RAB38: variants seen among roughly 807,000 people sequenced by gnomAD.
RAB38 encodes the protein RAB38, member RAS oncogene family.
RAB38 carries 15 observed loss-of-function variants against 18.4 expected under a neutral mutation model. The observed-to-expected ratio is 0.82, with a 90% CI of 0.55 to 1.26. RAB38 has a LOEUF of 1.26. RAB38 is among the 50% of genes most tolerant of loss of function. RAB38 has a pLI of 0.00. For missense variants in RAB38, 294 were observed against 267.4 expected, an observed-to-expected ratio of 1.10 and a Z score of -0.69; for synonymous variants, 101 against 104.4, an observed-to-expected ratio of 0.97 and a Z score of 0.20.
the RAB38 span, among the ~76,000 whole-genome samples, chr11:87,931,902 T>A: frequency 6.9e-6 from 1 of 145,838 alleles, no homozygotes. Context: ...GGCCAGGGAG[T>A]AAAGGAGAAA....
At chr11:88,128,978 T>C (rs964554215) in intron 2 of RAB38, among the ~76,000 whole-genome samples, 1 of 152,198 alleles carries the variant, frequency 6.6e-6, no homozygotes, top group Non-Finnish European at 1.5e-5. Flanking sequence ...TGATTTTGAA[T>C]CTGGAAACCC....
the RAB38 span, among the ~76,000 whole-genome samples, chr11:88,027,280 T>A: frequency 6.6e-6 from 1 of 152,070 alleles, no homozygotes. Flanking sequence ...AGTCTACAGC[T>A]CCCAGTGTGA....
At chr11:87,914,655 C>T in the RAB38 span, among the ~76,000 whole-genome samples, 7 of 152,216 alleles carry the variant, frequency 4.6e-5, no homozygotes, top group East Asian at 3.9e-4. Context: ...CTGCTTGTTA[C>T]GTAATAGTGA....
the RAB38 span, among the ~76,000 whole-genome samples, chr11:87,841,898 A>G: frequency 6.6e-6 from 1 of 152,190 alleles, no homozygotes; most frequent in African/African-American, 2.4e-5. Context: ...GAGAATATGA[A>G]CATTTTGGAG....
intron 1 of RAB38, 60 bp from the exon 2 acceptor site, chr11:88,150,015 T>C: frequency 2.0e-6 from 3 of 1,523,748 alleles, no homozygotes; most frequent in Non-Finnish European, 2.7e-6. Context: ...AATCATATTA[T>C]AACTTCATGA....
At chr11:88,074,480 T>C in the RAB38 span, among the ~76,000 whole-genome samples, 1 of 152,164 alleles carries the variant, frequency 6.6e-6, no homozygotes, top group African/African-American at 2.4e-5. Flanking sequence ...GTCATCTCTT[T>C]AAATAACTTG....
At chr11:87,952,826 G>T in the RAB38 span, among the ~76,000 whole-genome samples, 1 of 152,046 alleles carries the variant, frequency 6.6e-6, no homozygotes, top group African/African-American at 2.4e-5. Flanking sequence ...CATGCTTATT[G>T]ATAAGTATTT....
chr11:88,169,253 T>C (rs1421182496), intron 1 of RAB38, among the ~76,000 whole-genome samples: 1 of 152,176 alleles, frequency 6.6e-6, no homozygotes, highest in African/African-American at 2.4e-5. Flanking sequence ...GTCCACTGAA[T>C]GTGGACAAAT....
At chr11:88,064,022 G>A in the RAB38 span, among the ~76,000 whole-genome samples, 19 of 152,284 alleles carry the variant, frequency 1.2e-4, no homozygotes, top group Admixed American at 3.3e-4. Flanking sequence ...TATTCTGGGC[G>A]TGTTCGACCA....
chr11:88,069,479 G>C, the RAB38 span, among the ~76,000 whole-genome samples: 1 of 152,240 alleles, frequency 6.6e-6, no homozygotes, highest in Non-Finnish European at 1.5e-5. Flanking sequence ...GCCCTGGTGC[G>C]GGATCCACTA....
chr11:87,898,465 C>A, the RAB38 span, among the ~76,000 whole-genome samples: 1 of 151,600 alleles, frequency 6.6e-6, no homozygotes, highest in Non-Finnish European at 1.5e-5. Context: ...TTTGCTTTTG[C>A]TTTTTAAAAT....
At chr11:88,127,300 A>G (rs1942710248) in intron 2 of RAB38, among the ~76,000 whole-genome samples, 2 of 152,190 alleles carry the variant, frequency 1.3e-5, no homozygotes, top group Admixed American at 1.3e-4. Flanking sequence ...TTATGTGTGA[A>G]TGGAAATAAG....
the RAB38 span, among the ~76,000 whole-genome samples, chr11:88,040,083 T>C: frequency 2.6e-5 from 4 of 152,324 alleles, no homozygotes; most frequent in South Asian, 8.3e-4. Flanking sequence ...AGACAATTGC[T>C]AGGTATTGAG....
the RAB38 span, among the ~76,000 whole-genome samples, chr11:87,846,876 GT>G: frequency 6.6e-6 from 1 of 151,962 alleles, no homozygotes; most frequent in Admixed American, 6.6e-5. Flanking sequence ...CCAAATAGCA[GT>G]AACTATAGAG....
chr11:87,853,540 T>C, the RAB38 span, among the ~76,000 whole-genome samples: 1 of 152,290 alleles, frequency 6.6e-6, no homozygotes, highest in African/African-American at 2.4e-5. Context: ...CAGTCTATGG[T>C]ACTTTGTTAT....
At chr11:87,940,647 A>G in the RAB38 span, among the ~76,000 whole-genome samples, 5 of 151,944 alleles carry the variant, frequency 3.3e-5, no homozygotes, top group Non-Finnish European at 5.9e-5. Context: ...AGAGAGAGAA[A>G]GAAAGAAAGA....
chr11:87,894,238 T>G, the RAB38 span, among the ~76,000 whole-genome samples: 1 of 151,486 alleles, frequency 6.6e-6, no homozygotes, highest in African/African-American at 2.4e-5. Context: ...GCCCCAGAAC[T>G]AAATAAGAGG....
At chr11:88,104,971 A>G in the RAB38 span, among the ~76,000 whole-genome samples, 1 of 151,914 alleles carries the variant, frequency 6.6e-6, no homozygotes, top group East Asian at 1.9e-4. Context: ...CACTTTCACA[A>G]AATTTTTATT....
the RAB38 span, among the ~76,000 whole-genome samples, chr11:88,041,795 G>A: frequency 6.6e-6 from 1 of 152,160 alleles, no homozygotes; most frequent in African/African-American, 2.4e-5. Context: ...CTCCCACTGA[G>A]ACTTGCATAC....
Sources: allele counts gnomAD v4.1 joint callset (sites outside exome capture counted in the v4.1 genomes callset), GRCh38; gene constraint gnomAD v4.1.1; transcripts MANE v1.5; gene names NCBI Gene and HGNC (gene_info 2026-07-23, HGNC 2026-07-21).